The following GABRB1 variants were observed in gnomAD, a reference collection of about 807,000 sequenced individuals.
The protein encoded by GABRB1 is gamma-aminobutyric acid receptor subunit beta-1.
In GABRB1, 17 loss-of-function variants were observed where a neutral mutation model predicts 51.6. The ratio of observed to expected loss-of-function variants is 0.33; its 90% confidence interval spans 0.23 to 0.49. GABRB1 has a LOEUF of 0.49. GABRB1 is among the 20% of genes least tolerant of loss of function. GABRB1 has a pLI of 0.99. For missense variants in GABRB1, 410 were observed against 600.6 expected (o/e 0.68, Z 3.32); for synonymous variants, 247 against 218.9 (o/e 1.13, Z -1.14).
intron 3 of GABRB1, among the ~76,000 whole-genome samples, chr4:47,058,845 A>T (rs1726731045): frequency 6.6e-6 from 1 of 152,222 alleles, no homozygotes; most frequent in Non-Finnish European, 1.5e-5. Context: ...TTAATCACTA[A>T]GAAATTGGAA....
chr4:47,305,702 T>C (rs1005916310), intron 4 of GABRB1, among the ~76,000 whole-genome samples: 2 of 152,186 alleles, frequency 1.3e-5, no homozygotes, highest in Non-Finnish European at 2.9e-5. Context: ...GTTGATGAAT[T>C]TCTTCATTGA....
intron 8 of GABRB1, among the ~76,000 whole-genome samples, chr4:47,422,866 G>T (rs958312995): frequency 1.3e-5 from 2 of 152,098 alleles, no homozygotes; most frequent in Non-Finnish European, 2.9e-5. Context: ...AGCCTAACAG[G>T]CTGACAGTTT....
intron 2 of GABRB1, 40 bp downstream of exon 2, chr4:47,032,045 G>A (rs758592647): frequency 2.8e-6 from 3 of 1,060,194 alleles, no homozygotes; most frequent in Non-Finnish European, 4.1e-6. Flanking sequence ...CCCATCCTTA[G>A]TTCTCCTTTT....
intron 3 of GABRB1, among the ~76,000 whole-genome samples, chr4:47,067,005 A>G (rs926172287): frequency 2.0e-5 from 3 of 152,226 alleles, no homozygotes; most frequent in Non-Finnish European, 2.9e-5. Flanking sequence ...CGAATGAACG[A>G]ATGAATGCAG....
At chr4:47,237,650 T>G (rs1220841176) in intron 4 of GABRB1, among the ~76,000 whole-genome samples, 1 of 151,998 alleles carries the variant, frequency 6.6e-6, no homozygotes, top group Non-Finnish European at 1.5e-5. Context: ...CTAAACACCT[T>G]TACCTTTACC....
intron 3 of GABRB1, among the ~76,000 whole-genome samples, chr4:47,063,767 C>T (rs974336186): frequency 1.3e-5 from 2 of 152,128 alleles, no homozygotes; most frequent in African/African-American, 2.4e-5. Flanking sequence ...CCATTATCCT[C>T]AGCAAACTAA....
intron 3 of GABRB1, among the ~76,000 whole-genome samples, chr4:47,092,679 A>G (rs1285427828): frequency 6.7e-6 from 1 of 149,932 alleles, no homozygotes; most frequent in South Asian, 2.1e-4. Context: ...CTCTTGGCTC[A>G]CTGGCTCACT....
At chr4:47,295,178 G>A (rs1363849837) in intron 4 of GABRB1, among the ~76,000 whole-genome samples, 1 of 152,156 alleles carries the variant, frequency 6.6e-6, no homozygotes, top group East Asian at 1.9e-4. Flanking sequence ...CAGAAAAACT[G>A]GAAACTCTAA....
chr4:47,012,188 TATC>T (rs1215895149), intron 1 of GABRB1, among the ~76,000 whole-genome samples: 1 of 152,202 alleles, frequency 6.6e-6, no homozygotes, highest in Non-Finnish European at 1.5e-5. Context: ...TTATATATAA[TATC>T]ATCATGCAAA....
chr4:47,307,974 C>G (rs1353707624), intron 4 of GABRB1, among the ~76,000 whole-genome samples: 2 of 151,910 alleles, frequency 1.3e-5, no homozygotes, highest in Non-Finnish European at 2.9e-5. Context: ...TATAATTTAG[C>G]ACAATCCTTG....
At chr4:47,365,577 G>A (rs1465950414) in intron 5 of GABRB1, among the ~76,000 whole-genome samples, 1 of 152,114 alleles carries the variant, frequency 6.6e-6, no homozygotes, top group Non-Finnish European at 1.5e-5. Context: ...TTCTCTGCCT[G>A]CTTTGTGTCC....
At chr4:47,287,789 T>C (rs886401097) in intron 4 of GABRB1, among the ~76,000 whole-genome samples, 2 of 152,218 alleles carry the variant, frequency 1.3e-5, no homozygotes, top group Non-Finnish European at 2.9e-5. Flanking sequence ...TGGAAGCCAG[T>C]TGAGAGTTTC....
chr4:47,357,672 G>A (rs2110006256), intron 5 of GABRB1, among the ~76,000 whole-genome samples: 1 of 152,268 alleles, frequency 6.6e-6, no homozygotes, highest in African/African-American at 2.4e-5. Context: ...GTCCTCCTCT[G>A]GTACCCAGAC....
At chr4:47,375,062 A>T (rs1002919417) in intron 5 of GABRB1, among the ~76,000 whole-genome samples, 3 of 152,236 alleles carry the variant, frequency 2.0e-5, no homozygotes, top group Admixed American at 1.3e-4. Context: ...AGACCTCCAC[A>T]ATGGTGTGCA....
chr4:47,307,446 T>G (rs1323675124), intron 4 of GABRB1, among the ~76,000 whole-genome samples: 9 of 152,026 alleles, frequency 5.9e-5, no homozygotes, highest in Admixed American at 5.3e-4. Flanking sequence ...CCCTTCCTAT[T>G]TTTGTCTTTT....
chr4:47,018,106 C>T (rs761517376), intron 1 of GABRB1, among the ~76,000 whole-genome samples: 1 of 151,470 alleles, frequency 6.6e-6, no homozygotes, highest in African/African-American at 2.4e-5. Flanking sequence ...TCCTCTGCCT[C>T]CTCTTCTTCT....
intron 3 of GABRB1, among the ~76,000 whole-genome samples, chr4:47,073,127 T>C (rs1207533790): frequency 1.3e-5 from 2 of 152,200 alleles, no homozygotes; most frequent in African/African-American, 4.8e-5. Flanking sequence ...TGTTTTCCAC[T>C]GTCTAGGGTG....
chr4:47,304,851 C>G (rs2109943206), intron 4 of GABRB1, among the ~76,000 whole-genome samples: 1 of 152,168 alleles, frequency 6.6e-6, no homozygotes, highest in Admixed American at 6.6e-5. Context: ...TCTAATGACA[C>G]TAATCAAAAT....
chr4:47,170,380 T>TAC (rs10555441), intron 4 of GABRB1, among the ~76,000 whole-genome samples: 80 of 149,014 alleles, frequency 5.4e-4, no homozygotes, highest in African/African-American at 1.2e-3. Context: ...ACAGATCCAC[T>TAC]ACACACACAC....
Sources: gnomAD v4.1 joint callset for allele counts (sites outside exome capture counted in the v4.1 genomes callset) on GRCh38, gnomAD v4.1.1 for gene constraint, MANE v1.5 for transcripts, NCBI Gene and HGNC (gene_info 2026-07-23, HGNC 2026-07-21) for gene names.